The following DLG2 variants were observed in gnomAD, a reference collection of about 807,000 sequenced individuals.
DLG2 encodes discs large MAGUK scaffold protein 2.
Under a neutral mutation model 132.5 loss-of-function variants are expected in DLG2, and 45 were observed. The ratio of observed to expected loss-of-function variants is 0.34; its 90% CI spans 0.27 to 0.44. DLG2 has a LOEUF of 0.44. DLG2 is among the 20% of genes least tolerant of loss of function. The probability of loss-of-function intolerance (pLI) is 1.00; values close to 1 mark genes in which losing one functional copy is unlikely to be tolerated. For missense variants in DLG2, 1,045 were observed against 1,196.9 expected (o/e 0.87, Z 1.87); for synonymous variants, 424 against 419.6 (o/e 1.01, Z -0.13).
chr11:84,783,102 A>T (rs1207344734), intron 6 of DLG2, among the ~76,000 whole-genome samples: 2 of 152,040 alleles, frequency 1.3e-5, no homozygotes, highest in Non-Finnish European at 2.9e-5. Flanking sequence ...TCAAAGACTT[A>T]AAAAAAATCA....
chr11:83,789,240 C>T (rs112041520), intron 17 of DLG2, among the ~76,000 whole-genome samples: 229 of 152,146 alleles, frequency 1.5e-3, no homozygotes, highest in African/African-American at 5.2e-3. Context: ...TCAGTGTATA[C>T]GTAAATTCTG....
chr11:84,763,186 C>T (rs1470385184), intron 6 of DLG2: 2 of 152,304 alleles, frequency 1.3e-5, no homozygotes, highest in Middle Eastern at 3.4e-3. Flanking sequence ...AGCTCGACAG[C>T]ATTTTGAAAG....
At chr11:84,416,145 C>A (rs2098928839) in intron 7 of DLG2, among the ~76,000 whole-genome samples, 1 of 152,158 alleles carries the variant, frequency 6.6e-6, no homozygotes, top group South Asian at 2.1e-4. Flanking sequence ...AATATCCTTT[C>A]ATGACCCTAT....
chr11:83,809,517 C>T lies in DLG2; in HGVS notation c.1723-22725G>A, dbSNP rs114303659. On this transcript the variant is annotated intron_variant, in intron 17 of 27. Transcript: ENST00000376104. Reference sequence around the variant, plus strand: ...AGAGACCTGCTACATATCAAAGAACCAAGTGAATGTTCAACCCCCTTCTTA... The same window carrying T: ...AGAGACCTGCTACATATCAAAGAACTAAGTGAATGTTCAACCCCCTTCTTA... Among the ~76,000 whole-genome samples, 653 of 152,222 alleles carry T rather than the reference C, an allele frequency of 4.3e-3. 5 individuals carry two copies. Among genetic ancestry groups the T allele is most frequent in the African/African-American group, 0.015 (621 of 41,546 alleles).
intron 6 of DLG2, among the ~76,000 whole-genome samples, chr11:84,714,603 CTT>C (rs1565749893): frequency 0.02 from 2,456 of 125,206 alleles, 89 homozygotes; most frequent in African/African-American, 0.063. Flanking sequence ...CTTTCTTTCT[CTT>C]TCTCTTTCTC....
At position 85,331,410 on chromosome 11, in the gene DLG2, T is replaced by A. The variant is rs570461861; in HGVS notation, c.41-46045A>T. Among the ~76,000 whole-genome samples, 23 of 152,356 alleles carry A rather than the reference T, an allele frequency of 1.5e-4. No individual in the cohort carries two copies. In the South Asian group the frequency reaches 4.8e-3, roughly 32 times the overall value. The stretch of plus-strand genomic sequence containing the variant: ...TCTTTTTGTGTGCCTTGCCCTTCTT[T>A]TTCTTTATTACATTTTGTTGTTAAT... On this transcript the variant is annotated intron_variant, in intron 3 of 27. Coordinates refer to ENST00000376104, the MANE Select transcript of DLG2 (RefSeq NM_001142699.3).
chr11:85,149,510 T>C (rs1361493849), intron 5 of DLG2, among the ~76,000 whole-genome samples: 2 of 152,198 alleles, frequency 1.3e-5, no homozygotes, highest in Non-Finnish European at 2.9e-5. Context: ...GTTCTAATAA[T>C]CTTCTGCACT....
intron 17 of DLG2, among the ~76,000 whole-genome samples, chr11:83,810,782 ATGTT>A (rs1184287311): frequency 6.6e-6 from 1 of 152,008 alleles, no homozygotes; most frequent in African/African-American, 2.4e-5. Context: ...GTGATTTACT[ATGTT>A]TATTTATGAT....
chr11:84,844,085 G>GTGTATA (rs1221044786), intron 6 of DLG2, among the ~76,000 whole-genome samples: 8 of 93,130 alleles, frequency 8.6e-5, no homozygotes, highest in Non-Finnish European at 1.3e-4. Flanking sequence ...GTGTGTGTGT[G>GTGTATA]TATATATATA....
intron 7 of DLG2, among the ~76,000 whole-genome samples, chr11:84,408,520 C>T (rs946991505): frequency 2.0e-5 from 3 of 152,216 alleles, no homozygotes; most frequent in Admixed American, 6.5e-5. Flanking sequence ...CATTAAACAA[C>T]GTCTTCATCT....
chr11:83,474,943 G>C (rs2092465048), intron 22 of DLG2, among the ~76,000 whole-genome samples: 1 of 152,146 alleles, frequency 6.6e-6, no homozygotes, highest in African/African-American at 2.4e-5. Flanking sequence ...CTAGGGCAAA[G>C]CATAGCTTTG....
chr11:84,158,479 C>T (rs777013407), intron 9 of DLG2, among the ~76,000 whole-genome samples: 7 of 152,168 alleles, frequency 4.6e-5, no homozygotes, highest in Non-Finnish European at 8.8e-5. Flanking sequence ...TGGTAATAAG[C>T]TCAGATTCTA....
intron 3 of DLG2, among the ~76,000 whole-genome samples, chr11:85,496,237 A>G (rs2093665562): frequency 6.6e-6 from 1 of 152,184 alleles, no homozygotes. Context: ...ATCAGCAGAC[A>G]AGAAGATCCC....
chr11:85,154,606 G>T lies in DLG2; in HGVS notation c.232C>A (p.Gln78Lys). The T allele has an allele frequency of 6.5e-7, 1 of 1,539,652 alleles. No individual in the cohort carries two copies. Among genetic ancestry groups the T allele is most frequent in the Non-Finnish European group, 8.8e-7 (1 of 1,137,132 alleles). ...TCAAAACTCTGATTTTCTTTATTTTGCTCAATACATGAAGCATTTTCCTTT... is the reference window on the plus strand; with the variant it reads ...TCAAAACTCTGATTTTCTTTATTTTTCTCAATACATGAAGCATTTTCCTTT... ...GSKENASCIEQNKENQSFENE... is the reference protein window; with the variant it reads ...GSKENASCIEKNKENQSFENE... The change falls in exon 5 of 28, where the codon CAA (glutamine) becomes AAA (lysine). Residue 78 changes from glutamine (Q) to lysine (K), a missense_variant. By Grantham distance (53) the Gln-to-Lys change is moderately conservative (BLOSUM62 1). Coordinates refer to ENST00000376104, the MANE Select transcript of DLG2 (RefSeq NM_001142699.3).
At chr11:85,015,456 C>G (rs2059495309) in intron 6 of DLG2, among the ~76,000 whole-genome samples, 1 of 149,804 alleles carries the variant, frequency 6.7e-6, no homozygotes, top group Admixed American at 6.6e-5. Context: ...AAAAAGCCAA[C>G]TAGCTTTCCT....
At chr11:85,199,555 TGATA>T (rs2081299569) in intron 4 of DLG2, among the ~76,000 whole-genome samples, 1 of 152,214 alleles carries the variant, frequency 6.6e-6, no homozygotes. Flanking sequence ...TTGCTTGGCT[TGATA>T]TTCTAAATAT....
chr11:84,733,205 G>A (rs182302009), intron 6 of DLG2, among the ~76,000 whole-genome samples: 161 of 152,222 alleles, frequency 1.1e-3, no homozygotes, highest in African/African-American at 3.8e-3. Flanking sequence ...AGATCCCTGA[G>A]GAATCGACAC....
chr11:85,434,921 T>C (rs541284415), intron 3 of DLG2, among the ~76,000 whole-genome samples: 1 of 152,170 alleles, frequency 6.6e-6, no homozygotes, highest in South Asian at 2.1e-4. Context: ...GAAAATCCTC[T>C]ATAAAATACT....
chr11:84,776,771 T>C (rs192800186), intron 6 of DLG2, among the ~76,000 whole-genome samples: 26 of 152,338 alleles, frequency 1.7e-4, no homozygotes, highest in Admixed American at 1.6e-3. Flanking sequence ...TATTCCATTA[T>C]ATGGATATAC....
Sources: gnomAD v4.1 joint callset for allele counts (sites outside exome capture counted in the v4.1 genomes callset) on GRCh38, gnomAD v4.1.1 for gene constraint, MANE v1.5 for transcripts, NCBI Gene and HGNC (gene_info 2026-07-23, HGNC 2026-07-21) for gene names.